The following CFD variants were observed in gnomAD, a reference collection of about 807,000 sequenced individuals.
CFD encodes the protein complement factor D, also known as C3 convertase activator.
Under a neutral mutation model 21.1 loss-of-function variants are expected in CFD, and 24 were observed. The ratio of observed to expected loss-of-function variants is 1.14; its 90% CI spans 0.82 to 1.60. CFD has a LOEUF of 1.60. Ranked by LOEUF, CFD falls within the 40% of genes most tolerant of loss-of-function variation. The probability of loss-of-function intolerance (pLI) is 0.00; values close to 1 mark genes in which losing one functional copy is unlikely to be tolerated. For missense variants in CFD, 535 were observed against 383.3 expected, an observed-to-expected ratio of 1.40 and a Z score of -3.31; for synonymous variants, 242 against 175.9, an observed-to-expected ratio of 1.38 and a Z score of -2.97.
At chr19:859,772 G>A in intron 1 of CFD, 28 bp downstream of exon 1, 1 of 1,539,560 alleles carries the variant, frequency 6.5e-7, no homozygotes, top group Non-Finnish European at 8.8e-7. Context: ...TGGGGTGAGG[G>A]ACAGGGCTGT....
chr19:861,709 A>G lies in CFD; in HGVS notation c.368A>G (p.Lys123Arg), dbSNP rs753720726. 1.9e-5 allele frequency: 30 copies of G among 1,602,668 alleles called. No individual in the cohort carries two copies. The South Asian group carries it at 3.2e-4, about 17-fold the overall frequency. Residue 123 changes from lysine to arginine, a missense_variant, in exon 4 of 5, where the codon AAG becomes AGG. Physicochemically the swap from Lys to Arg is conservative, Grantham distance 26 (BLOSUM62 2). Coordinates refer to ENST00000327726, the MANE Select transcript of CFD (RefSeq NM_001928.4). ...HDLLLLQLSE[K>R]ATLGPAVRPL... Reference sequence around the variant, plus strand: ...CGCCTCCACCCTCAGCTGTCGGAGAAGGCCACACTGGGCCCTGCTGTGCGC... The same window carrying G: ...CGCCTCCACCCTCAGCTGTCGGAGAGGGCCACACTGGGCCCTGCTGTGCGC...
intron 4 of CFD, 70 bp from the exon 5 acceptor site, chr19:863,022 T>G (rs1322072375): frequency 2.8e-6 from 4 of 1,414,582 alleles, no homozygotes; most frequent in East Asian, 2.5e-5. Flanking sequence ...GGCAGCCAGG[T>G]GAGGGGGTCT....
chr19:863,250 C>T lies in CFD; in HGVS notation c.*12C>T, dbSNP rs766722506. The T allele has an allele frequency of 6.5e-7, 1 of 1,547,446 alleles. No individual in the cohort carries two copies. Among genetic ancestry groups the T allele is most frequent in the East Asian group, 2.3e-5 (1 of 42,588 alleles). ...GCGTCCTGGCCTAGGGTGCCGGGGC[C>T]TGAAGGTCAGGGTCACCCAAGCAAC... On this transcript the variant is annotated 3_prime_UTR_variant, in exon 5 of 5. Coordinates refer to ENST00000327726, the MANE Select transcript of CFD (RefSeq NM_001928.4).
intron 1 of CFD, among the ~76,000 whole-genome samples, chr19:860,183 TC>T (rs1025737104): frequency 6.6e-6 from 1 of 151,538 alleles, no homozygotes; most frequent in African/African-American, 2.4e-5. Context: ...GAAACGGGAT[TC>T]TTTTTTTTCT....
rs573044028 is a variant in CFD, at chr19:860,546, G to A, written c.56-71G>A. 27 of 1,344,414 alleles carry A rather than the reference G, an allele frequency of 2.0e-5. No individual in the cohort carries two copies. The Admixed American group carries it at 3.1e-4, about 15-fold the overall frequency. The allele number at this position is 1,344,414 out of a possible 1,614,324, so 83.3% of individuals were successfully genotyped here. ...GGAGCGGCCTGGGGGGTGAGAGCTG[G>A]GATCCCGTCAGGCAGCCTCGCCCGG... On this transcript the variant is annotated intron_variant, in intron 1 of 4. Transcript: ENST00000327726.
Position 861,917 on chromosome 19 carries a change from C to G in CFD, c.576C>G (p.Arg192=), listed in dbSNP as rs1156875759. The part of the protein sequence containing the change: ...RTHHDGAITE[R]LMCAESNRRD... ...ACCACGACGGCGCCATCACCGAGCG[C>G]TTGATGTGCGCGGAGAGCAATCGCC... The change falls in exon 4 of 5, where the codon CGC becomes CGG. Residue 192 remains arginine, a synonymous_variant. Coordinates refer to ENST00000327726, the MANE Select transcript of CFD (RefSeq NM_001928.4). The G allele has an allele frequency of 6.4e-7, 1 of 1,570,558 alleles. No homozygotes were observed.
intron 1 of CFD, among the ~76,000 whole-genome samples, chr19:860,137 G>C (rs565430784): frequency 2.0e-5 from 3 of 152,076 alleles, no homozygotes; most frequent in Non-Finnish European, 4.4e-5. Context: ...CCGCCCGAGG[G>C]TATCTGAGTT....
chr19:860,712 T>C lies in CFD; in HGVS notation c.151T>C (p.Cys51Arg), dbSNP rs1223433302. 4 of 1,560,764 alleles carry C rather than the reference T, an allele frequency of 2.6e-6. No individual in the cohort carries two copies. Among genetic ancestry groups the C allele is most frequent in the Non-Finnish European group, 3.4e-6 (4 of 1,162,950 alleles). Residue 51 changes from cysteine to arginine, a missense_variant, in exon 2 of 5, where the codon TGC (cysteine) becomes CGC (arginine). Transcript: ENST00000327726. ...GGTGCAGCTGAACGGCGCGCACCTG[T>C]GCGGCGGCGTCCTGGTGGCGGAGCA... ...ASVQLNGAHL[C>R]GGVLVAEQWV...
Position 860,756 on chromosome 19 carries a change from G to C in CFD, c.195G>C (p.Ala65=), listed in dbSNP as rs757822552. 5 of 1,566,976 alleles carry C rather than the reference G, an allele frequency of 3.2e-6. No individual in the cohort carries two copies. The African/African-American group carries it at 6.8e-5, about 21-fold the overall frequency. ...LVAEQWVLSA[A]HCLEDAADGK... is the part of the protein sequence containing the mutation. ...CGGAGCAGTGGGTGCTGAGCGCGGCGCACTGCCTGGAGGACGCGTGAGTGC... is the reference window on the plus strand; with the variant it reads ...CGGAGCAGTGGGTGCTGAGCGCGGCCCACTGCCTGGAGGACGCGTGAGTGC... Residue 65 remains alanine (A), a synonymous_variant, in exon 2 of 5, where the codon GCG becomes GCC. Transcript: ENST00000327726.
Position 861,717 on chromosome 19 carries a change from C to A in CFD, c.376C>A (p.Leu126Met). 6.2e-7 allele frequency: 1 copy of A among 1,603,576 alleles called. No homozygotes were observed. The highest frequency in any genetic ancestry group is 8.5e-7 in the Non-Finnish European group (1 of 1,177,076). ...CCCTCAGCTGTCGGAGAAGGCCACA[C>A]TGGGCCCTGCTGTGCGCCCCCTGCC... ...LLLQLSEKAT[L>M]GPAVRPLPWQ... The change falls in exon 4 of 5, where the codon CTG (leucine) becomes ATG (methionine). Residue 126 changes from leucine to methionine, a missense_variant. Physicochemically the swap from Leu to Met is conservative, Grantham distance 15. Transcript: ENST00000327726.
rs1343964924 is a variant in CFD at position 860,683 on chromosome 19, C to A, written c.122C>A (p.Ala41Glu). The change falls in exon 2 of 5, where the codon GCG (alanine) becomes GAG (glutamate). Residue 41 changes from alanine (A) to glutamate (E), a missense_variant. Transcript: ENST00000327726. Reference protein sequence around the residue: ...EAEAHARPYMASVQLNGAHLC... With the variant: ...EAEAHARPYMESVQLNGAHLC... ...GAGGCGCACGCGCGGCCCTACATGG[C>A]GTCGGTGCAGCTGAACGGCGCGCAC... 9.1e-6 allele frequency: 14 copies of A among 1,540,966 alleles called. No individual in the cohort carries two copies. The highest frequency in any genetic ancestry group is 1.2e-5 in the Non-Finnish European group (14 of 1,153,552).
chr19:860,557 G>C (rs887623041), intron 1 of CFD, 60 bp from the exon 2 acceptor site: 2 of 1,358,736 alleles, frequency 1.5e-6, no homozygotes, highest in Non-Finnish European at 1.9e-6. Context: ...GATCCCGTCA[G>C]GCAGCCTCGC....
In CFD at chr19:861,840, C is replaced by A; in HGVS notation, c.499C>A (p.Gln167Lys). 1 of 1,600,354 alleles carries A rather than the reference C, an allele frequency of 6.2e-7. No homozygotes were observed. Among genetic ancestry groups the A allele is most frequent in the South Asian group, 1.1e-5 (1 of 90,630 alleles). Reference protein sequence around the residue: ...NHAGRRPDSLQHVLLPVLDRA... With the variant: ...NHAGRRPDSLKHVLLPVLDRA... The stretch of plus-strand genomic sequence containing the variant: ...CGCGGGCCGCCGCCCGGACAGCCTG[C>A]AGCACGTGCTCTTGCCAGTGCTGGA... Residue 167 changes from glutamine (Q) to lysine (K), a missense_variant, in exon 4 of 5, where the codon CAG becomes AAG. By Grantham distance (53) the Gln-to-Lys change is moderately conservative (BLOSUM62 1). Coordinates refer to ENST00000327726, the MANE Select transcript of CFD (RefSeq NM_001928.4).
chr19:861,103 C>T, intron 3 of CFD, 98 bp downstream of exon 3: 1 of 1,142,076 alleles, frequency 8.8e-7, no homozygotes, highest in Non-Finnish European at 1.3e-6. Flanking sequence ...CAGCCTCGAC[C>T]TCTCCTGCTG....
chr19:859,874 G>A (rs2035760749), intron 1 of CFD, 130 bp downstream of exon 1: 3 of 654,504 alleles, frequency 4.6e-6, no homozygotes, highest in South Asian at 1.7e-5. Flanking sequence ...CTAATGGAAG[G>A]CTCTGAACGC....
rs1295526231 is a variant in CFD at position 860,741 on chromosome 19, G to C, written c.180G>C (p.Trp60Cys). The change falls in exon 2 of 5, where the codon TGG becomes TGC. Residue 60 changes from tryptophan to cysteine, a missense_variant. Transcript: ENST00000327726. ...GCGGCGTCCTGGTGGCGGAGCAGTG[G>C]GTGCTGAGCGCGGCGCACTGCCTGG... The part of the protein sequence containing the change: ...LCGGVLVAEQ[W>C]VLSAAHCLED... 1.3e-6 allele frequency: 2 copies of C among 1,567,694 alleles called. No individual in the cohort carries two copies. The highest frequency in any genetic ancestry group is 1.8e-5 in the Admixed American group (1 of 55,858).
intron 3 of CFD, among the ~76,000 whole-genome samples, 183 bp downstream of exon 3, chr19:861,188 C>T (rs1309644658): frequency 1.7e-5 from 2 of 117,932 alleles, no homozygotes. Flanking sequence ...GCGCTCGGAG[C>T]CCCCCCACCC....
chr19:863,004 G>C (rs1416548111), intron 4 of CFD, 88 bp from the exon 5 acceptor site: 119 of 1,284,100 alleles, frequency 9.3e-5, no homozygotes, highest in Non-Finnish European at 1.2e-4. Context: ...GCATTGTGGG[G>C]CGGGAGCGGC....
rs751358067 is a variant in CFD, at chr19:859,733, C to T, written c.44C>T (p.Ala15Val). The T allele has an allele frequency of 1.3e-6, 2 of 1,570,894 alleles. No individual in the cohort carries two copies. Among genetic ancestry groups the T allele is most frequent in the Non-Finnish European group, 1.7e-6 (2 of 1,158,338 alleles). ...CTGGCAGTTCTGGTCCTCCTAGGAG[C>T]GGCCGCCTGCGGTGAGGAGGCCTGG... The part of the protein sequence containing the change: ...ERLAVLVLLG[A>V]AACAAPPRGR... Residue 15 changes from alanine (A) to valine (V), a missense_variant, in exon 1 of 5, where the codon GCG becomes GTG. Ala to Val is a moderately conservative substitution (Grantham distance 64). Transcript: ENST00000327726.
Sources: allele counts gnomAD v4.1 joint callset (sites outside exome capture counted in the v4.1 genomes callset), GRCh38; gene constraint gnomAD v4.1.1; transcripts MANE v1.5; gene names NCBI Gene and HGNC (gene_info 2026-07-23, HGNC 2026-07-21).